The following HSPG2 variants were observed in gnomAD, a reference collection of about 807,000 sequenced individuals.
The protein encoded by HSPG2 is heparan sulfate proteoglycan 2.
HSPG2 carries 278 observed loss-of-function variants against 526.6 expected under a neutral mutation model. The observed-to-expected ratio is 0.53, with a 90% CI of 0.48 to 0.58. The LOEUF (loss-of-function observed/expected upper bound fraction) is 0.58. HSPG2 is among the 20% of genes least tolerant of loss of function. The pLI, the probability that HSPG2 is intolerant of heterozygous loss-of-function variation, is 0.00. For missense variants in HSPG2, 5,354 were observed against 6,099.5 expected (o/e 0.88, Z 4.07); for synonymous variants, 2,465 against 2,555.4 (o/e 0.96, Z 1.07).
chr1:21,906,356 C>T (rs1272440784), intron 1 of HSPG2, among the ~76,000 whole-genome samples: 5 of 152,364 alleles, frequency 3.3e-5, no homozygotes, highest in Admixed American at 2.0e-4. Context: ...CTGTACTCAG[C>T]GCTTGTTCCC....
rs1183540820 is a variant in HSPG2, at chr1:21,893,536, G to A, written c.244+2386C>T. On this transcript the variant is annotated intron_variant, in intron 3 of 96. Transcript: ENST00000374695. The surrounding 1 kb of genome is among the most constrained non-coding windows in gnomAD (Gnocchi z 4.3). ...GAAGAGTGGGGAGAGAGGATGGGGA[G>A]GGAGGCAGAGGGAGAGCAGCGCTCC... Among the ~76,000 whole-genome samples, 1 of 152,080 alleles carries A rather than the reference G, an allele frequency of 6.6e-6. No individual in the cohort carries two copies. Among genetic ancestry groups the A allele is most frequent in the African/African-American group, 2.4e-5 (1 of 41,418 alleles).
At chr1:21,841,872 G>C (rs1055882384) in intron 69 of HSPG2, 130 bp downstream of exon 69, 2 of 1,387,826 alleles carry the variant, frequency 1.4e-6, no homozygotes, top group African/African-American at 1.4e-5. Flanking sequence ...ACAGAGACGG[G>C]AAGGGCCTTA....
At chr1:21,880,076 T>G in intron 17 of HSPG2, 31 bp downstream of exon 17, 1 of 1,612,966 alleles carries the variant, frequency 6.2e-7, no homozygotes. Context: ...TCTCCTATTT[T>G]AGTGTTCAAG....
At chr1:21,862,537 T>C (rs1389348018) in intron 37 of HSPG2, among the ~76,000 whole-genome samples, 2 of 131,798 alleles carry the variant, frequency 1.5e-5, no homozygotes, top group African/African-American at 2.9e-5. Context: ...TGAGCCGAGA[T>C]TGCACCACTG....
Position 21,854,733 on chromosome 1 carries a change from C to T in HSPG2, c.6166G>A (p.Glu2056Lys), listed in dbSNP as rs1307272642. Residue 2056 changes from glutamate to lysine, a missense_variant, in exon 49 of 97, where the codon GAG becomes AAG. Transcript: ENST00000374695. Reference sequence around the variant, plus strand: ...TCTGTCACAGAAGGCGATGAGGACTCAATCTTGACCGGCGGTGGGCTGGCA... The same window carrying T: ...TCTGTCACAGAAGGCGATGAGGACTTAATCTTGACCGGCGGTGGGCTGGCA... ...SDASPPPVKI[E>K]SSSPSVTEGQ... The T allele has an allele frequency of 6.2e-7, 1 of 1,613,734 alleles. No homozygotes were observed. The highest frequency in any genetic ancestry group is 1.7e-5 in the Admixed American group (1 of 59,984).
chr1:21,868,645 G>A (rs1483245559), intron 33 of HSPG2, among the ~76,000 whole-genome samples: 4 of 152,288 alleles, frequency 2.6e-5, no homozygotes, highest in African/African-American at 9.6e-5. Flanking sequence ...CCTCCCAGGC[G>A]AGACAGCTCC....
chr1:21,908,953 CA>C (rs1163002147), intron 1 of HSPG2, among the ~76,000 whole-genome samples: 1 of 152,102 alleles, frequency 6.6e-6, no homozygotes, highest in Non-Finnish European at 1.5e-5. Context: ...CTAAAAAATA[CA>C]AAAATTAGCC....
chr1:21,848,534 G>A lies in HSPG2; in HGVS notation c.7737+109C>T, dbSNP rs1638630340. The A allele has an allele frequency of 1.5e-6, 2 of 1,307,160 alleles. No homozygotes were observed. The highest frequency in any genetic ancestry group is 2.9e-5 in the African/African-American group (2 of 69,078). 81.0% of individuals were successfully genotyped at this position (1,307,160 alleles called of 1,614,324 possible). A position where few individuals can be genotyped will look rare whatever the true frequency, so the allele number is the denominator to read the frequency against. The stretch of plus-strand genomic sequence containing the variant: ...GACCCATCCAGCAAGGATACTCAAT[G>A]TTTGTTGAATGACTGAATGAGCACA... On this transcript the variant is annotated intron_variant, in intron 59 of 96. Transcript: ENST00000374695. This position sits in a 1 kb window ranked among gnomAD's most constrained non-coding sequence, Gnocchi z 4.9.
intron 91 of HSPG2, chr1:21,825,074 T>C: frequency 2.1e-6 from 1 of 468,264 alleles, no homozygotes; most frequent in Non-Finnish European, 4.0e-6. Context: ...TTACTAGTAT[T>C]TGCTTATCAC....
chr1:21,827,872 C>T lies in HSPG2; in HGVS notation c.12580G>A (p.Gly4194Arg), dbSNP rs144496753. ...AESDWHLEGS[G>R]GNDAPGQYGA... is the part of the protein sequence containing the mutation. ...CATGGCAAGTACTCACCATTGCCCCCGCTGCCTTCAAGATGCCAGTCGGAC... is the reference window on the plus strand; with the variant it reads ...CATGGCAAGTACTCACCATTGCCCCTGCTGCCTTCAAGATGCCAGTCGGAC... Residue 4194 changes from glycine to arginine, a missense_variant, in exon 91 of 97, where the codon GGG (glycine) becomes AGG (arginine). Gly to Arg is a moderately radical substitution (Grantham distance 125). Transcript: ENST00000374695. 254 of 1,585,442 alleles carry T rather than the reference C, an allele frequency of 1.6e-4. No homozygotes were observed. The African/African-American group carries it at 2.8e-3, about 18-fold the overall frequency.
rs1642505537 is a variant in HSPG2, at chr1:21,893,369, G to C, written c.244+2553C>G. Among the ~76,000 whole-genome samples the C allele has an allele frequency of 1.3e-5, 2 of 152,238 alleles. No individual in the cohort carries two copies. The highest frequency in any genetic ancestry group is 4.1e-4 in the South Asian group (2 of 4,838). ...ACTGTGTTTAGATCTGTGGGCCCAG[G>C]GTGGGCCTGGCTGTGTCCTGGGCAG... On this transcript the variant is annotated intron_variant, in intron 3 of 96. Transcript: ENST00000374695. The surrounding 1 kb of genome is among the most constrained non-coding windows in gnomAD (Gnocchi z 4.3).
rs572235099 is a variant in HSPG2 at position 21,864,423 on chromosome 1, C to T, written c.4627-210G>A. Among the ~76,000 whole-genome samples the T allele has an allele frequency of 5.3e-5, 8 of 152,348 alleles. No individual in the cohort carries two copies. In the East Asian group the frequency reaches 1.5e-3, roughly 29 times the overall value. ...TTCACCTCTGGGAGGCATCTCTATG[C>T]TGTGCTTTGGGCCGGAGTAATCTGT... On this transcript the variant is annotated intron_variant, in intron 36 of 96. Coordinates refer to ENST00000374695, the MANE Select transcript of HSPG2 (RefSeq NM_005529.7). The surrounding 1 kb of genome is among the most constrained non-coding windows in gnomAD (Gnocchi z 4.8).
chr1:21,836,441 C>T (rs1172494682), intron 75 of HSPG2, among the ~76,000 whole-genome samples: 1 of 152,192 alleles, frequency 6.6e-6, no homozygotes, highest in Non-Finnish European at 1.5e-5. Context: ...CCTGCCTCAG[C>T]CTCCAGCGTA....
rs760736794 is a variant in HSPG2, at chr1:21,853,170, G to A, written c.6440-100C>T. On this transcript the variant is annotated intron_variant, in intron 50 of 96. Coordinates refer to ENST00000374695, the MANE Select transcript of HSPG2 (RefSeq NM_005529.7). ...GCTGTGACCAGGCCCTAGTGGGGAC[G>A]GCCGACAGGTGGCCTTTCTGGGACT... 9.2e-6 allele frequency: 14 copies of A among 1,526,780 alleles called. No homozygotes were observed. In the South Asian group the frequency reaches 1.2e-4, roughly 13 times the overall value. The allele number at this position is 1,526,780 out of a possible 1,614,324, so 94.6% of individuals were successfully genotyped here.
intron 21 of HSPG2, 134 bp downstream of exon 21, chr1:21,878,052 A>G: frequency 1.3e-6 from 1 of 782,774 alleles, no homozygotes; most frequent in East Asian, 2.7e-5. Flanking sequence ...CCGGTGGGCC[A>G]GGTCCACCAG....
In HSPG2 at chr1:21,834,772, C is replaced by T. The variant is rs760950733; in HGVS notation, c.10627G>A (p.Ala3543Thr). The T allele has an allele frequency of 2.2e-5, 35 of 1,613,996 alleles. No homozygotes were observed. The highest frequency in any genetic ancestry group is 1.6e-4 in the Middle Eastern group (1 of 6,084). Residue 3543 changes from alanine to threonine, a missense_variant, in exon 77 of 97, where the codon GCC becomes ACC. Coordinates refer to ENST00000374695, the MANE Select transcript of HSPG2 (RefSeq NM_005529.7). ...CCCGCATCAGCCAGCTCTACGTGGG[C>T]GATCCTGACGACACCTCCGCTCTGC... ...IVQSGGVVRI[A>T]HVELADAGQY...
intron 13 of HSPG2, among the ~76,000 whole-genome samples, chr1:21,883,799 G>T (rs1014028600): frequency 6.6e-6 from 1 of 152,242 alleles, no homozygotes; most frequent in East Asian, 1.9e-4. Context: ...ACAGAGCTGG[G>T]ACCTGAGCCC....
chr1:21,909,426 G>A (rs1643546624), intron 1 of HSPG2, among the ~76,000 whole-genome samples: 1 of 152,180 alleles, frequency 6.6e-6, no homozygotes, highest in Non-Finnish European at 1.5e-5. Flanking sequence ...CTTGCCAGCA[G>A]CCAATGGGAA....
intron 1 of HSPG2, among the ~76,000 whole-genome samples, chr1:21,897,139 A>G (rs1306581284): frequency 6.6e-6 from 1 of 152,180 alleles, no homozygotes; most frequent in African/African-American, 2.4e-5. Context: ...CCCCCTAGAC[A>G]AGATCCGGAT....
Sources: allele counts gnomAD v4.1 joint callset (sites outside exome capture counted in the v4.1 genomes callset), GRCh38; gene constraint gnomAD v4.1.1; non-coding constraint Gnocchi (gnomAD v3.1); transcripts MANE v1.5; gene names NCBI Gene and HGNC (gene_info 2026-07-23, HGNC 2026-07-21).